Variants in RFX4 observed in about 807,000 individuals in gnomAD.
RFX4 encodes the protein regulatory factor X4.
A neutral mutation model predicts 95.0 loss-of-function variants in RFX4; 10 were observed. That is an observed-to-expected ratio of 0.11 (90% confidence interval 0.06 to 0.18). RFX4 has a LOEUF of 0.18. Ranked by LOEUF, RFX4 falls within the 10% of genes least tolerant of loss-of-function variation. RFX4 has a pLI of 1.00. For missense variants in RFX4, 640 were observed against 922.0 expected (o/e 0.69, Z 3.96); for synonymous variants, 321 against 340.7 (o/e 0.94, Z 0.64).
chr12:106,747,674 CT>C, intron 16 of RFX4, 75 bp downstream of exon 16: 2 of 1,521,858 alleles, frequency 1.3e-6, no homozygotes, highest in Non-Finnish European at 1.8e-6. Flanking sequence ...AGCTCACACC[CT>C]GTAATCCCAG....
At chr12:106,604,496 T>G (rs182775263) in intron 1 of RFX4, among the ~76,000 whole-genome samples, 1 of 152,240 alleles carries the variant, frequency 6.6e-6, no homozygotes, top group East Asian at 1.9e-4. Flanking sequence ...TTTGCTTTAT[T>G]TGGAAAATCG....
chr12:106,750,704 C>T lies in RFX4; in HGVS notation c.1846C>T (p.Pro616Ser). The change falls in exon 17 of 18, where the codon CCC (proline) becomes TCC (serine). Residue 616 changes from proline (P) to serine (S), a missense_variant. By Grantham distance (74) the Pro-to-Ser change is moderately conservative. Around this residue, in one of 7 missense-constraint regions of RFX4, gnomAD observed 300 missense variants for 346.8 expected, o/e 0.87. Transcript: ENST00000392842. The part of the protein sequence containing the change: ...YGSYGNQHPH[P>S]MQSQYPALPH... ...GAGCTATGGCAACCAGCATCCTCACCCCATGCAGAGCCAGTATCCGGCCCT... is the reference window on the plus strand; with the variant it reads ...GAGCTATGGCAACCAGCATCCTCACTCCATGCAGAGCCAGTATCCGGCCCT... The T allele has an allele frequency of 6.2e-7, 1 of 1,610,616 alleles. No individual in the cohort carries two copies. The highest frequency in any genetic ancestry group is 1.3e-5 in the African/African-American group (1 of 74,716).
chr12:106,705,577 G>A (rs2042068809), intron 8 of RFX4, among the ~76,000 whole-genome samples: 1 of 152,210 alleles, frequency 6.6e-6, no homozygotes, highest in Non-Finnish European at 1.5e-5. Flanking sequence ...AGGTGATCAG[G>A]AGGTGAGCTG....
intron 7 of RFX4, among the ~76,000 whole-genome samples, chr12:106,694,866 C>T (rs1193279248): frequency 6.6e-6 from 1 of 152,060 alleles, no homozygotes; most frequent in Non-Finnish European, 1.5e-5. Flanking sequence ...GAAACCCCGT[C>T]TCTACTTAAA....
At chr12:106,633,256 G>A (rs962037320) in intron 2 of RFX4, among the ~76,000 whole-genome samples, 4 of 152,218 alleles carry the variant, frequency 2.6e-5, no homozygotes, top group African/African-American at 9.6e-5. Flanking sequence ...GGGTAGACCA[G>A]TTCTCTTCTA....
intron 13 of RFX4, among the ~76,000 whole-genome samples, chr12:106,725,718 TG>T (rs1305884208): frequency 3.3e-5 from 5 of 151,812 alleles, no homozygotes; most frequent in Non-Finnish European, 5.9e-5. Flanking sequence ...AAACGTTAAA[TG>T]GAAAAGAAGA....
chr12:106,607,591 A>T (rs1275679933), intron 1 of RFX4, among the ~76,000 whole-genome samples: 1 of 151,758 alleles, frequency 6.6e-6, no homozygotes, highest in East Asian at 1.9e-4. Context: ...GGGGGCGTGG[A>T]GTTTTCTGCA....
chr12:106,677,381 A>G (rs952293702), intron 4 of RFX4, among the ~76,000 whole-genome samples: 34 of 152,048 alleles, frequency 2.2e-4, no homozygotes, highest in African/African-American at 8.2e-4. Flanking sequence ...ATAAGCCTGG[A>G]GCTCTGGGGA....
At chr12:106,597,306 G>A (rs1262565748) in intron 1 of RFX4, among the ~76,000 whole-genome samples, 1 of 152,074 alleles carries the variant, frequency 6.6e-6, no homozygotes, top group East Asian at 1.9e-4. Flanking sequence ...GCCCAGGGTT[G>A]CAGAGCTTAC....
intron 4 of RFX4, among the ~76,000 whole-genome samples, chr12:106,678,619 C>T (rs901766481): frequency 6.6e-6 from 1 of 152,118 alleles, no homozygotes; most frequent in Non-Finnish European, 1.5e-5. Context: ...TTATTTAGTA[C>T]ATAAATATAC....
intron 8 of RFX4, among the ~76,000 whole-genome samples, chr12:106,697,073 G>A (rs1355069467): frequency 6.6e-6 from 1 of 152,146 alleles, no homozygotes; most frequent in South Asian, 2.1e-4. Flanking sequence ...CTGTGAGATT[G>A]TGTTGAGCTG....
chr12:106,661,221 T>C (rs1341945538), intron 4 of RFX4, among the ~76,000 whole-genome samples: 3 of 152,210 alleles, frequency 2.0e-5, no homozygotes, highest in African/African-American at 7.2e-5. Context: ...CATATGAGGA[T>C]CTTACCGTAT....
At chr12:106,711,027 A>G (rs2042182636) in intron 9 of RFX4, among the ~76,000 whole-genome samples, 1 of 152,232 alleles carries the variant, frequency 6.6e-6, no homozygotes, top group Non-Finnish European at 1.5e-5. Flanking sequence ...GCTGAGGCTC[A>G]ATCAAGGTTT....
chr12:106,594,013 A>C (rs981341562), intron 1 of RFX4, among the ~76,000 whole-genome samples: 1 of 152,234 alleles, frequency 6.6e-6, no homozygotes. Context: ...GGGAAGAAGT[A>C]GGGTGCCTTT....
At chr12:106,693,541 T>C (rs2041824841) in intron 7 of RFX4, among the ~76,000 whole-genome samples, 1 of 152,188 alleles carries the variant, frequency 6.6e-6, no homozygotes, top group African/African-American at 2.4e-5. Context: ...CAGAGCTTCT[T>C]ACTCAGAGTT....
intron 2 of RFX4, among the ~76,000 whole-genome samples, chr12:106,624,537 C>T (rs2137244620): frequency 6.6e-6 from 1 of 152,154 alleles, no homozygotes; most frequent in East Asian, 1.9e-4. Flanking sequence ...CCATGTTGGC[C>T]AGGATGGTCT....
chr12:106,689,478 G>A, intron 7 of RFX4, 114 bp downstream of exon 7: 2 of 799,326 alleles, frequency 2.5e-6, no homozygotes, highest in South Asian at 2.9e-5. Context: ...AGCCCTTCCT[G>A]GATACCCATT....
At chr12:106,706,263 A>G (rs1268629826) in intron 8 of RFX4, among the ~76,000 whole-genome samples, 1 of 152,200 alleles carries the variant, frequency 6.6e-6, no homozygotes, top group African/African-American at 2.4e-5. Flanking sequence ...GGCTGCAGCA[A>G]GAATTGGGGT....
At chr12:106,649,239 G>C (rs1291984179) in intron 3 of RFX4, among the ~76,000 whole-genome samples, 1 of 152,142 alleles carries the variant, frequency 6.6e-6, no homozygotes, top group Admixed American at 6.5e-5. Flanking sequence ...GCCATGCTTT[G>C]GTCAGGGAAG....
Sources: gnomAD v4.1 joint callset for allele counts (sites outside exome capture counted in the v4.1 genomes callset) on GRCh38, gnomAD v4.1.1 for gene constraint, gnomAD v4.1.1 regional missense constraint, MANE v1.5 for transcripts, NCBI Gene and HGNC (gene_info 2026-07-23, HGNC 2026-07-21) for gene names.